The following CFAP95 variants were observed in gnomAD, a reference collection of about 807,000 sequenced individuals.
The protein encoded by CFAP95 is cilia- and flagella-associated protein 95.
At chr9:69,870,990 G>A in the CFAP95 span, among the ~76,000 whole-genome samples, 3 of 151,850 alleles carry the variant, frequency 2.0e-5, no homozygotes, top group South Asian at 2.1e-4. Context: ...AGGCTGAGGC[G>A]GGAGGATCAC....
chr9:69,883,822 TAA>T, the CFAP95 span, among the ~76,000 whole-genome samples: 491 of 43,638 alleles, frequency 0.011, 5 homozygotes, highest in African/African-American at 0.025. Context: ...TTTATTTTTT[TAA>T]AAAAAAACAA....
At chr9:69,886,539 A>G in the CFAP95 span, among the ~76,000 whole-genome samples, 23,699 of 152,132 alleles carry the variant, frequency 0.16, 1,912 homozygotes, top group East Asian at 0.27. Context: ...GTGAACAGAA[A>G]TGTGTTCTAA....
the CFAP95 span, among the ~76,000 whole-genome samples, chr9:69,880,515 G>T: frequency 6.6e-6 from 1 of 152,060 alleles, no homozygotes; most frequent in Admixed American, 6.6e-5. Flanking sequence ...GCTGAATAGT[G>T]GTTCATTGTC....
chr9:69,901,242 A>T, the CFAP95 span, among the ~76,000 whole-genome samples: 1 of 150,410 alleles, frequency 6.6e-6, no homozygotes, highest in Non-Finnish European at 1.5e-5. Flanking sequence ...GGATCACGCC[A>T]TTCTCCTGCC....
the CFAP95 span, among the ~76,000 whole-genome samples, chr9:69,865,050 G>T: frequency 6.6e-6 from 1 of 152,062 alleles, no homozygotes; most frequent in East Asian, 1.9e-4. Flanking sequence ...AGACTGGGTG[G>T]AGATAACTGG....
chr9:69,841,064 A>G, the CFAP95 span, among the ~76,000 whole-genome samples: 1 of 150,456 alleles, frequency 6.6e-6, no homozygotes, highest in Non-Finnish European at 1.5e-5. Flanking sequence ...TTCACAGACC[A>G]TAAATATCTT....
the CFAP95 span, among the ~76,000 whole-genome samples, chr9:69,881,043 C>T: frequency 6.6e-6 from 1 of 151,736 alleles, no homozygotes; most frequent in Non-Finnish European, 1.5e-5. Flanking sequence ...TGTTTGAGCT[C>T]TTTATATATT....
At chr9:69,903,050 T>C in the CFAP95 span, among the ~76,000 whole-genome samples, 6 of 152,336 alleles carry the variant, frequency 3.9e-5, no homozygotes, top group African/African-American at 1.4e-4. Context: ...TAAAAGCAAT[T>C]TACTGGCTTC....
the CFAP95 span, among the ~76,000 whole-genome samples, chr9:69,864,171 C>A: frequency 6.6e-6 from 1 of 152,216 alleles, no homozygotes; most frequent in African/African-American, 2.4e-5. Context: ...TAGTGATTAG[C>A]GTGTATTGTT....
At chr9:69,844,415 C>A in the CFAP95 span, 1 of 649,438 alleles carries the variant, frequency 1.5e-6, no homozygotes, top group Non-Finnish European at 2.5e-6. Flanking sequence ...ATACTTAATA[C>A]TACAAATATA....
chr9:69,848,553 G>T, the CFAP95 span, among the ~76,000 whole-genome samples: 1 of 152,140 alleles, frequency 6.6e-6, no homozygotes, highest in East Asian at 1.9e-4. Flanking sequence ...ATACCCAGGG[G>T]AAACCAAAGC....
At chr9:69,890,018 CT>C in the CFAP95 span, among the ~76,000 whole-genome samples, 2 of 152,056 alleles carry the variant, frequency 1.3e-5, no homozygotes, top group Non-Finnish European at 2.9e-5. Flanking sequence ...CATCTTTACA[CT>C]TTTTAGAATT....
chr9:69,850,519 G>T, the CFAP95 span, among the ~76,000 whole-genome samples: 1 of 152,088 alleles, frequency 6.6e-6, no homozygotes, highest in Non-Finnish European at 1.5e-5. Flanking sequence ...GGATACAAAC[G>T]ATATAATTAT....
the CFAP95 span, among the ~76,000 whole-genome samples, chr9:69,833,936 C>T: frequency 1.3e-5 from 2 of 152,070 alleles, no homozygotes; most frequent in Non-Finnish European, 2.9e-5. Context: ...GTATTATCTA[C>T]TCAATATGCA....
At chr9:69,856,659 C>A in the CFAP95 span, 4 of 1,607,250 alleles carry the variant, frequency 2.5e-6, no homozygotes, top group Non-Finnish European at 3.4e-6. Context: ...CAGTGAGCTC[C>A]GGGATTATCG....
At chr9:69,821,013 C>G in the CFAP95 span, 2 of 1,613,670 alleles carry the variant, frequency 1.2e-6, no homozygotes, top group Middle Eastern at 1.7e-4. Context: ...TACTCGAAGC[C>G]GGTGTTGGTG....
the CFAP95 span, among the ~76,000 whole-genome samples, chr9:69,893,924 T>G: frequency 7.2e-5 from 11 of 152,338 alleles, no homozygotes; most frequent in South Asian, 2.3e-3. Flanking sequence ...CGTGTATTAT[T>G]GACTGAAATG....
the CFAP95 span, among the ~76,000 whole-genome samples, chr9:69,855,991 A>T: frequency 6.6e-6 from 1 of 152,160 alleles, no homozygotes; most frequent in African/African-American, 2.4e-5. Context: ...AGAGTTTTGT[A>T]TGGAGAAAAT....
chr9:69,894,257 A>T, the CFAP95 span, among the ~76,000 whole-genome samples: 2 of 152,222 alleles, frequency 1.3e-5, no homozygotes, highest in African/African-American at 4.8e-5. Flanking sequence ...TCTAAGAACC[A>T]CATTTCCTAG....
Sources: allele counts gnomAD v4.1 joint callset (sites outside exome capture counted in the v4.1 genomes callset), GRCh38; gene constraint gnomAD v4.1.1; transcripts MANE v1.5; gene names NCBI Gene and HGNC (gene_info 2026-07-23, HGNC 2026-07-21).